The following SPECC1 variants were observed in gnomAD, a reference collection of about 807,000 sequenced individuals.
SPECC1 encodes sperm antigen with calponin homology and coiled-coil domains 1, also known as cytospin-B.
A neutral mutation model predicts 104.1 loss-of-function variants in SPECC1; 62 were observed. The ratio of observed to expected loss-of-function variants is 0.60; its 90% CI spans 0.49 to 0.74. SPECC1 has a LOEUF of 0.74. SPECC1 is among the 30% of genes least tolerant of loss of function. The pLI, the probability that SPECC1 is intolerant of heterozygous loss-of-function variation, is 0.00. For synonymous variants in SPECC1, 513 were observed against 501.6 expected (o/e 1.02, Z -0.30); for missense variants, 1,306 against 1,310.5 (o/e 1.00, Z 0.05).
intron 3 of SPECC1, among the ~76,000 whole-genome samples, chr17:20,113,702 T>C (rs1180348300): frequency 1.3e-5 from 2 of 152,200 alleles, no homozygotes; most frequent in Non-Finnish European, 2.9e-5. Context: ...GAGGAAGAAC[T>C]TACCTATCAC....
At chr17:20,051,121 T>TTCTTTCC (rs2045750658) in intron 1 of SPECC1, among the ~76,000 whole-genome samples, 4 of 113,590 alleles carry the variant, frequency 3.5e-5, no homozygotes, top group Non-Finnish European at 5.7e-5. Context: ...TCTTTCTTTC[T>TTCTTTCC]TTCTTTCTTT....
At chr17:20,019,269 A>G (rs1045223196) in intron 1 of SPECC1, among the ~76,000 whole-genome samples, 3 of 150,480 alleles carry the variant, frequency 2.0e-5, no homozygotes, top group Middle Eastern at 3.4e-3. Context: ...TATTTATTTT[A>G]AAAAGCAGTC....
chr17:20,240,037 G>A (rs1252376695), intron 7 of SPECC1, among the ~76,000 whole-genome samples: 1 of 145,412 alleles, frequency 6.9e-6, no homozygotes, highest in African/African-American at 2.6e-5. Flanking sequence ...GGGACTACAG[G>A]GGCACACCAC....
At chr17:20,309,849 G>A (rs1420354429) in intron 14 of SPECC1, among the ~76,000 whole-genome samples, 5 of 108,994 alleles carry the variant, frequency 4.6e-5, no homozygotes, top group East Asian at 5.2e-4. Context: ...ATGGAATTTC[G>A]CCTTGTTGCC....
chr17:20,282,651 C>T (rs1338792090), intron 12 of SPECC1, among the ~76,000 whole-genome samples: 2 of 152,076 alleles, frequency 1.3e-5, no homozygotes, highest in South Asian at 4.1e-4. Context: ...AATGAAGCCA[C>T]GGCAGAGGAG....
At position 20,260,259 on chromosome 17, in the gene SPECC1, C is replaced by A; in HGVS notation, c.2905C>A (p.Leu969Met). The A allele has an allele frequency of 6.2e-7, 1 of 1,614,078 alleles. No homozygotes were observed. The highest frequency in any genetic ancestry group is 1.1e-5 in the South Asian group (1 of 91,084). ...EYGGSKRNALLKWCQKKTQGY... is the reference protein window; with the variant it reads ...EYGGSKRNALMKWCQKKTQGY... Reference sequence around the variant, plus strand: ...CGGTGGTTCCAAGCGCAATGCTCTACTGAAATGGTGCCAGAAGAAGACACA... The same window carrying A: ...CGGTGGTTCCAAGCGCAATGCTCTAATGAAATGGTGCCAGAAGAAGACACA... Residue 969 changes from leucine to methionine, a missense_variant, in exon 12 of 15, where the codon CTG (leucine) becomes ATG (methionine). Physicochemically the swap from Leu to Met is conservative, Grantham distance 15. Around this residue, in one of 2 missense-constraint regions of SPECC1, gnomAD observed 129 missense variants for 170.6 expected, o/e 0.76. Transcript: ENST00000395527.
At chr17:20,165,014 T>C (rs1027848689) in intron 3 of SPECC1, among the ~76,000 whole-genome samples, 1 of 152,182 alleles carries the variant, frequency 6.6e-6, no homozygotes, top group African/African-American at 2.4e-5. Flanking sequence ...TTTAAAAAAA[T>C]TAATTTTATT....
chr17:20,156,630 G>T (rs1251453836), intron 3 of SPECC1, among the ~76,000 whole-genome samples: 2 of 152,168 alleles, frequency 1.3e-5, no homozygotes, highest in African/African-American at 2.4e-5. Context: ...CGGCCCCGCA[G>T]TTTGTGGCGC....
intron 3 of SPECC1, chr17:20,155,858 A>G: frequency 2.4e-5 from 24 of 1,005,616 alleles, no homozygotes; most frequent in Non-Finnish European, 2.9e-5. Context: ...TCTGGCAGCC[A>G]AGAAGGAAAT....
At chr17:20,057,846 T>C (rs568801734) in intron 1 of SPECC1, 1 of 152,298 alleles carries the variant, frequency 6.6e-6, no homozygotes, top group South Asian at 2.1e-4. Context: ...CACTCTTTGA[T>C]TGCATTTGAT....
At chr17:20,250,522 A>G (rs2039582240) in intron 9 of SPECC1, among the ~76,000 whole-genome samples, 2 of 152,214 alleles carry the variant, frequency 1.3e-5, no homozygotes, top group South Asian at 2.1e-4. Flanking sequence ...TGAAATGGTC[A>G]AAATCTTAGA....
chr17:20,048,274 C>T (rs2045614692), intron 1 of SPECC1, among the ~76,000 whole-genome samples: 1 of 151,872 alleles, frequency 6.6e-6, no homozygotes, highest in Non-Finnish European at 1.5e-5. Context: ...GCTGGGACTA[C>T]AGGCACCTGC....
chr17:20,275,629 G>C (rs2040551488), intron 12 of SPECC1, among the ~76,000 whole-genome samples: 1 of 152,204 alleles, frequency 6.6e-6, no homozygotes, highest in Non-Finnish European at 1.5e-5. Context: ...AAGTATAAGA[G>C]TGAAGACTTA....
intron 1 of SPECC1, among the ~76,000 whole-genome samples, chr17:20,055,549 T>G (rs2045930596): frequency 6.6e-6 from 1 of 152,254 alleles, no homozygotes; most frequent in Admixed American, 6.5e-5. Context: ...CTCTAGCAAC[T>G]AATGGGATAT....
intron 7 of SPECC1, chr17:20,237,821 C>T (rs1352137172): frequency 1.0e-5 from 2 of 191,910 alleles, no homozygotes; most frequent in African/African-American, 4.7e-5. Context: ...TGGCTCATTG[C>T]AAGCTCCGCT....
intron 2 of SPECC1, among the ~76,000 whole-genome samples, chr17:20,105,082 C>A (rs138055536): frequency 7.7e-4 from 117 of 151,996 alleles, no homozygotes; most frequent in African/African-American, 2.7e-3. Context: ...GATACGCCAA[C>A]TGCTTTCTCT....
chr17:20,302,345 C>A (rs923911099), intron 13 of SPECC1, among the ~76,000 whole-genome samples: 3 of 152,178 alleles, frequency 2.0e-5, no homozygotes, highest in Non-Finnish European at 4.4e-5. Context: ...GATGGCGTCA[C>A]CCTGCCCGGC....
At chr17:20,256,479 C>G (rs1567585774) in intron 10 of SPECC1, among the ~76,000 whole-genome samples, 1 of 152,116 alleles carries the variant, frequency 6.6e-6, no homozygotes, top group East Asian at 1.9e-4. Context: ...CTATTTAGAG[C>G]TGACTAGCCT....
intron 11 of SPECC1, among the ~76,000 whole-genome samples, chr17:20,257,817 A>G (rs1356827330): frequency 6.6e-6 from 1 of 152,256 alleles, no homozygotes; most frequent in East Asian, 1.9e-4. Context: ...GTAAAAAACA[A>G]TACTGCATAA....
Sources: allele counts gnomAD v4.1 joint callset (sites outside exome capture counted in the v4.1 genomes callset), GRCh38; gene constraint gnomAD v4.1.1; regional missense constraint gnomAD v4.1.1; transcripts MANE v1.5; gene names NCBI Gene and HGNC (gene_info 2026-07-23, HGNC 2026-07-21).